Variants in ADAM32 observed in about 807,000 individuals in gnomAD.
The protein encoded by ADAM32 is ADAM metallopeptidase domain 32.
Under a neutral mutation model 114.9 loss-of-function variants are expected in ADAM32, and 89 were observed. The ratio of observed to expected loss-of-function variants is 0.77; its 90% confidence interval spans 0.65 to 0.92. The LOEUF is 0.92. Ranked by LOEUF, ADAM32 falls within the 40% of genes least tolerant of loss-of-function variation. ADAM32 has a pLI of 0.00. For missense variants in ADAM32, 870 were observed against 932.8 expected (o/e 0.93, Z 0.88); for synonymous variants, 285 against 307.5 (o/e 0.93, Z 0.77).
At chr8:39,235,985 A>G (rs1449607710) in intron 16 of ADAM32, among the ~76,000 whole-genome samples, 3 of 152,206 alleles carry the variant, frequency 2.0e-5, no homozygotes, top group African/African-American at 7.2e-5. Flanking sequence ...CTCTAATGTT[A>G]CTTGCTTTTT....
chr8:39,253,062 A>G (rs528561908), intron 17 of ADAM32, among the ~76,000 whole-genome samples: 2 of 151,832 alleles, frequency 1.3e-5, no homozygotes, highest in African/African-American at 2.4e-5. Context: ...CAAGACATTA[A>G]CAAACTATAT....
At chr8:39,156,716 C>T (rs1043216501) in intron 6 of ADAM32, among the ~76,000 whole-genome samples, 1 of 152,126 alleles carries the variant, frequency 6.6e-6, no homozygotes, top group African/African-American at 2.4e-5. Context: ...CTTCTGAGGA[C>T]CCTCTGCTTG....
At chr8:39,231,926 T>A (rs1809759503) in intron 14 of ADAM32, 101 bp from the exon 15 acceptor site, 3 of 958,570 alleles carry the variant, frequency 3.1e-6, no homozygotes, top group Non-Finnish European at 4.8e-6. Flanking sequence ...ATGTTTCAAT[T>A]AGATATTAAT....
In ADAM32 at chr8:39,254,394, A is replaced by T; in HGVS notation, c.1903-20A>T. On this transcript the variant is annotated intron_variant, in intron 17 of 24. Transcript: ENST00000379907. The stretch of plus-strand genomic sequence containing the variant: ...GAAAATATTTTAAAACAATCATTTA[A>T]TTTTTCAAAATGATCCTAGGTGTGT... The T allele has an allele frequency of 6.5e-7, 1 of 1,530,884 alleles. No individual in the cohort carries two copies. The highest frequency in any genetic ancestry group is 8.9e-7 in the Non-Finnish European group (1 of 1,122,790). The allele number at this position is 1,530,884 out of a possible 1,614,324, so 94.8% of individuals were successfully genotyped here. A position where few individuals can be genotyped will look rare whatever the true frequency, so the allele number is the denominator to read the frequency against.
rs374554664 is a variant in ADAM32, at chr8:39,207,000, A to T, written c.1053-4144A>T. On this transcript the variant is annotated intron_variant, in intron 11 of 24. Transcript: ENST00000379907. ...TTGTGGACTCGAAGCACCTGCCTATACTAATCTCAGAGCCTGTGTGGACTG... is the reference window on the plus strand; with the variant it reads ...TTGTGGACTCGAAGCACCTGCCTATTCTAATCTCAGAGCCTGTGTGGACTG... Among the ~76,000 whole-genome samples the T allele has an allele frequency of 6.6e-5, 10 of 152,172 alleles. No individual in the cohort carries two copies. In the East Asian group the frequency reaches 1.9e-3, roughly 29 times the overall value.
intron 2 of ADAM32, among the ~76,000 whole-genome samples, chr8:39,133,606 C>T (rs1802595140): frequency 6.6e-6 from 1 of 152,122 alleles, no homozygotes; most frequent in Admixed American, 6.5e-5. Context: ...TGCATGTGAA[C>T]ACCATTACGG....
intron 11 of ADAM32, among the ~76,000 whole-genome samples, chr8:39,203,791 A>C (rs940043197): frequency 1.3e-5 from 2 of 152,248 alleles, no homozygotes; most frequent in East Asian, 3.9e-4. Flanking sequence ...TTCCATGTTT[A>C]GTGCTTCCTT....
chr8:39,189,679 C>T (rs1431465716), intron 11 of ADAM32, among the ~76,000 whole-genome samples: 1 of 152,120 alleles, frequency 6.6e-6, no homozygotes, highest in East Asian at 1.9e-4. Flanking sequence ...ATTACAGTCA[C>T]CCTACTTTGC....
Position 39,281,144 on chromosome 8 carries a change from C to G in ADAM32, c.2288C>G (p.Ser763Ter), listed in dbSNP as rs1211142677. Reference protein sequence around the residue: ...SSQADTSKSKSEDSAEAYTSR... With the variant: ...SSQADTSKSK ...TTTTAATTTATTTTTAGATCCAAAT[C>G]AGAAGATAGTGCTGAAGCATATACT... Residue 763 changes from serine (S) to a stop codon, truncating the protein, a stop_gained, in exon 23 of 25, where the codon TCA becomes TGA. Coordinates refer to ENST00000379907, the MANE Select transcript of ADAM32 (RefSeq NM_145004.7). LOFTEE classifies it high-confidence loss of function. The G allele has an allele frequency of 8.9e-6, 12 of 1,341,862 alleles. No homozygotes were observed. The highest frequency in any genetic ancestry group is 1.2e-5 in the Non-Finnish European group (12 of 1,024,248). 83.1% of individuals were successfully genotyped at this position (1,341,862 alleles called of 1,614,324 possible). A position where few individuals can be genotyped will look rare whatever the true frequency, so the allele number is the denominator to read the frequency against.
intron 6 of ADAM32, chr8:39,158,514 C>T (rs568661485): frequency 3.9e-5 from 12 of 310,468 alleles, no homozygotes; most frequent in African/African-American, 2.5e-4. Context: ...ACCTTGGGTC[C>T]TAGCCGGCCA....
At chr8:39,152,124 A>G (rs755377133) in intron 6 of ADAM32, among the ~76,000 whole-genome samples, 1 of 152,086 alleles carries the variant, frequency 6.6e-6, no homozygotes, top group African/African-American at 2.4e-5. Context: ...TTTTGCTCCT[A>G]CATTCCTGGA....
intron 5 of ADAM32, 84 bp from the exon 6 acceptor site, chr8:39,151,293 A>AT (rs903671749): frequency 2.8e-3 from 3,329 of 1,183,124 alleles, no homozygotes; most frequent in South Asian, 3.4e-3. Context: ...AAAACGTTTT[A>AT]TTTTTTTTTC....
In ADAM32 at chr8:39,186,967, T is replaced by G. The variant is rs761589914; in HGVS notation, c.974T>G (p.Leu325Arg). The G allele has an allele frequency of 6.2e-7, 1 of 1,612,558 alleles. No individual in the cohort carries two copies. Among genetic ancestry groups the G allele is most frequent in the Non-Finnish European group, 8.5e-7 (1 of 1,178,798 alleles). The change falls in exon 11 of 25, where the codon CTC becomes CGC. Residue 325 changes from leucine (L) to arginine (R), a missense_variant. Leu to Arg is a moderately radical substitution (Grantham distance 102). Coordinates refer to ENST00000379907, the MANE Select transcript of ADAM32 (RefSeq NM_145004.7). ...FAVIVTQMLA[L>R]SLGISYDDPK... ...GTTATTGTCACCCAGATGCTGGCAC[T>G]CAGTCTGGGAATATCATATGACGAC...
At chr8:39,126,170 A>G (rs575150680) in intron 2 of ADAM32, among the ~76,000 whole-genome samples, 1 of 152,176 alleles carries the variant, frequency 6.6e-6, no homozygotes, top group African/African-American at 2.4e-5. Flanking sequence ...TTTTGGTTCC[A>G]TATGAATCTT....
At position 39,165,374 on chromosome 8, in the gene ADAM32, A is replaced by G. The variant is rs1585436502; in HGVS notation, c.833+178A>G. 6 of 496,368 alleles carry G rather than the reference A, an allele frequency of 1.2e-5. No individual in the cohort carries two copies. In the Admixed American group the frequency reaches 1.6e-4, roughly 13 times the overall value. The allele number at this position is 496,368 out of a possible 1,614,324, so 30.7% of individuals were successfully genotyped here. A position where few individuals can be genotyped will look rare whatever the true frequency, so the allele number is the denominator to read the frequency against. ...TCAGGCAATAAAAAACTTTACTAAC[A>G]TTTATTTCTATGCTAATAAAGCTTT... On this transcript the variant is annotated intron_variant, in intron 9 of 24. Coordinates refer to ENST00000379907, the MANE Select transcript of ADAM32 (RefSeq NM_145004.7).
In ADAM32 at chr8:39,274,314, C is replaced by G; in HGVS notation, c.2204C>G (p.Ser735Cys). The change falls in exon 21 of 25, where the codon TCC becomes TGC. Residue 735 changes from serine (S) to cysteine (C), a missense_variant and splice_region_variant. Transcript: ENST00000379907. ...EGSTQTYASQ[S>C]SSEGSTQTYA... ...CATTGCTTTCAATTTTTTTTTAGAT[C>G]CAGCTCAGAAGGCAGCACTCAGACA... 1 of 1,612,818 alleles carries G rather than the reference C, an allele frequency of 6.2e-7. No individual in the cohort carries two copies. The highest frequency in any genetic ancestry group is 1.7e-5 in the Admixed American group (1 of 59,966).
At chr8:39,252,677 A>T (rs989231969) in intron 17 of ADAM32, among the ~76,000 whole-genome samples, 3 of 151,582 alleles carry the variant, frequency 2.0e-5, no homozygotes, top group Non-Finnish European at 4.4e-5. Context: ...ACAAACTCTT[A>T]GGTAAAATAG....
At position 39,233,910 on chromosome 8, in the gene ADAM32, G is replaced by A. The variant is rs777910677; in HGVS notation, c.1646G>A (p.Cys549Tyr). ...YVFCGWRNLI[C>Y]GRLVCTYPTR... is the part of the protein sequence containing the mutation. The stretch of plus-strand genomic sequence containing the variant: ...TTTTATGTTTTCAGGAATCTTATAT[G>A]TGGAAGATTAGTTTGTACCTACCCT... Residue 549 changes from cysteine to tyrosine, a missense_variant, in exon 16 of 25, where the codon TGT becomes TAT. Cys to Tyr is a radical substitution (Grantham distance 194). Coordinates refer to ENST00000379907, the MANE Select transcript of ADAM32 (RefSeq NM_145004.7). The A allele has an allele frequency of 2.0e-6, 3 of 1,530,144 alleles. No homozygotes were observed. The highest frequency in any genetic ancestry group is 1.4e-5 in the South Asian group (1 of 73,468). 94.8% of individuals were successfully genotyped at this position (1,530,144 alleles called of 1,614,324 possible). A position where few individuals can be genotyped will look rare whatever the true frequency, so the allele number is the denominator to read the frequency against.
chr8:39,187,506 C>A (rs1806324007), intron 11 of ADAM32, among the ~76,000 whole-genome samples: 1 of 152,204 alleles, frequency 6.6e-6, no homozygotes, highest in African/African-American at 2.4e-5. Context: ...CTCCTGACCT[C>A]ATGATCCGCC....
Sources: allele counts gnomAD v4.1 joint callset (sites outside exome capture counted in the v4.1 genomes callset), GRCh38; gene constraint gnomAD v4.1.1; transcripts MANE v1.5; gene names NCBI Gene and HGNC (gene_info 2026-07-23, HGNC 2026-07-21).